SOX5: variants seen among roughly 807,000 people sequenced by gnomAD.
The protein encoded by SOX5 is SRY-box transcription factor 5.
In SOX5, 9 loss-of-function variants were observed where a neutral mutation model predicts 92.0. The ratio of observed to expected loss-of-function variants is 0.10; its 90% CI spans 0.06 to 0.17. SOX5 has a LOEUF of 0.17. Among genes scored for constraint, SOX5 ranks in the 10% least tolerant of loss-of-function variants. SOX5 has a pLI of 1.00. For missense variants in SOX5, 642 were observed against 944.5 expected (o/e 0.68, Z 4.20); for synonymous variants, 344 against 336.3 (o/e 1.02, Z -0.25).
intron 1 of SOX5, among the ~76,000 whole-genome samples, chr12:24,536,667 A>T (rs1234202653): frequency 2.0e-5 from 3 of 152,130 alleles, no homozygotes. Flanking sequence ...CTCACCCTAA[A>T]AGTACTCCTG....
intron 4 of SOX5, among the ~76,000 whole-genome samples, chr12:24,056,116 G>A (rs1958072024): frequency 6.6e-6 from 1 of 152,184 alleles, no homozygotes. Context: ...ACTAGTGTAT[G>A]AGCCATCACC....
intron 2 of SOX5, among the ~76,000 whole-genome samples, chr12:24,316,114 T>C (rs1595504236): frequency 6.6e-6 from 1 of 152,294 alleles, no homozygotes; most frequent in East Asian, 1.9e-4. Flanking sequence ...CATTGGTAAT[T>C]ACAGAATAAA....
chr12:24,474,811 C>A (rs777091943), intron 1 of SOX5, among the ~76,000 whole-genome samples: 2 of 151,838 alleles, frequency 1.3e-5, no homozygotes, highest in Non-Finnish European at 2.9e-5. Context: ...GCTAGGATTA[C>A]AGGCATGAGC....
At chr12:23,963,976 AAACCAACC>A (rs1056225745) in intron 4 of SOX5, among the ~76,000 whole-genome samples, 1 of 152,012 alleles carries the variant, frequency 6.6e-6, no homozygotes, top group Non-Finnish European at 1.5e-5. Context: ...AAACCAAACT[AAACCAACC>A]AACCAACCAA....
chr12:24,317,840 A>G (rs973585047), intron 2 of SOX5, among the ~76,000 whole-genome samples: 1 of 152,106 alleles, frequency 6.6e-6, no homozygotes, highest in Non-Finnish European at 1.5e-5. Flanking sequence ...TTCTCTTTTC[A>G]TTCAATATAA....
chr12:24,043,009 G>C (rs980038384), intron 4 of SOX5, among the ~76,000 whole-genome samples: 12 of 152,164 alleles, frequency 7.9e-5, no homozygotes, highest in African/African-American at 2.9e-4. Flanking sequence ...GGAGAGACTG[G>C]AACAGATAAC....
intron 9 of SOX5, among the ~76,000 whole-genome samples, chr12:23,578,736 T>C (rs1173605407): frequency 6.6e-6 from 1 of 152,164 alleles, no homozygotes; most frequent in Non-Finnish European, 1.5e-5. Context: ...CTTTACTATT[T>C]ACTACCCAGC....
chr12:23,796,294 C>T (rs995013954), intron 3 of SOX5, among the ~76,000 whole-genome samples: 1 of 151,820 alleles, frequency 6.6e-6, no homozygotes, highest in Non-Finnish European at 1.5e-5. Context: ...TGGTGATGGT[C>T]AATGGAGAAA....
At chr12:24,159,280 G>A (rs150515390) in intron 4 of SOX5, among the ~76,000 whole-genome samples, 1 of 151,970 alleles carries the variant, frequency 6.6e-6, no homozygotes, top group African/African-American at 2.4e-5. Flanking sequence ...TTCAAGGCCA[G>A]AAGTTAAGTA....
intron 1 of SOX5, among the ~76,000 whole-genome samples, chr12:24,547,445 C>G (rs1038346617): frequency 3.9e-5 from 6 of 152,054 alleles, no homozygotes; most frequent in Non-Finnish European, 2.9e-5. Flanking sequence ...CCCGCCTCGG[C>G]CTCCCAAAGT....
intron 4 of SOX5, among the ~76,000 whole-genome samples, chr12:24,000,029 T>G (rs1221880582): frequency 6.6e-6 from 1 of 151,698 alleles, no homozygotes; most frequent in Non-Finnish European, 1.5e-5. Context: ...ATAAAATAAT[T>G]ATAAACCTGT....
At chr12:23,663,241 G>T (rs1442218825) in intron 7 of SOX5, among the ~76,000 whole-genome samples, 1 of 152,048 alleles carries the variant, frequency 6.6e-6, no homozygotes, top group Non-Finnish European at 1.5e-5. Context: ...AGCTGTAAAG[G>T]CTTTTTTTCT....
chr12:23,590,314 A>AT (rs1951351790), intron 9 of SOX5, among the ~76,000 whole-genome samples: 1 of 152,008 alleles, frequency 6.6e-6, no homozygotes, highest in Non-Finnish European at 1.5e-5. Context: ...GTTAGACTTC[A>AT]TTTTTTACAC....
At chr12:23,574,916 C>T (rs74691175) in intron 10 of SOX5, among the ~76,000 whole-genome samples, 95 of 152,284 alleles carry the variant, frequency 6.2e-4, no homozygotes, top group Middle Eastern at 3.4e-3. Flanking sequence ...TCTGCAACAG[C>T]GCTTATTATA....
intron 4 of SOX5, among the ~76,000 whole-genome samples, chr12:24,032,559 G>A (rs1234690171): frequency 6.6e-6 from 1 of 151,784 alleles, no homozygotes; most frequent in Admixed American, 6.6e-5. Flanking sequence ...TTTGTATGAA[G>A]AATTAATCTG....
At chr12:23,615,408 G>A (rs1188976435) in intron 8 of SOX5, among the ~76,000 whole-genome samples, 2 of 152,082 alleles carry the variant, frequency 1.3e-5, no homozygotes, top group Non-Finnish European at 1.5e-5. Context: ...AGGTAAACTT[G>A]TGTCAGGGGA....
chr12:24,023,010 T>C (rs1375002595), intron 4 of SOX5, among the ~76,000 whole-genome samples: 1 of 152,036 alleles, frequency 6.6e-6, no homozygotes, highest in Non-Finnish European at 1.5e-5. Flanking sequence ...CAATAATTTC[T>C]ACCTCCCGAG....
intron 4 of SOX5, among the ~76,000 whole-genome samples, chr12:24,204,731 A>G (rs1472926122): frequency 6.6e-6 from 1 of 152,204 alleles, no homozygotes; most frequent in Admixed American, 6.5e-5. Flanking sequence ...TTGTTTAGAC[A>G]TCACCAACTT....
At chr12:23,653,904 T>C (rs2139121216) in intron 7 of SOX5, among the ~76,000 whole-genome samples, 1 of 152,220 alleles carries the variant, frequency 6.6e-6, no homozygotes, top group South Asian at 2.1e-4. Flanking sequence ...AAATCCCTAG[T>C]CCCTAGCACA....
Sources: gnomAD v4.1 joint callset for allele counts (sites outside exome capture counted in the v4.1 genomes callset) on GRCh38, gnomAD v4.1.1 for gene constraint, MANE v1.5 for transcripts, NCBI Gene and HGNC (gene_info 2026-07-23, HGNC 2026-07-21) for gene names.